Variants in DLGAP2 observed in about 807,000 individuals in gnomAD.
DLGAP2 encodes the protein DLG associated protein 2.
Under a neutral mutation model 100.3 loss-of-function variants are expected in DLGAP2, and 26 were observed. The ratio of observed to expected loss-of-function variants is 0.26; its 90% CI spans 0.19 to 0.36. The LOEUF (loss-of-function observed/expected upper bound fraction) is 0.36. DLGAP2 is among the 10% of genes least tolerant of loss of function. The pLI is 1.00. For synonymous variants in DLGAP2, 886 were observed against 630.1 expected (o/e 1.41, Z -6.08); for missense variants, 1,858 against 1,453.2 (o/e 1.28, Z -4.53).
Position 1,243,949 on chromosome 8 carries a change from C to T in DLGAP2, c.74-14902C>T, listed in dbSNP as rs149123478. ...GTCCCTGCTGTGTGTCCTCATCTACCTTCCAGCTCCCAGCCTCCGCACTCC... is the reference window on the plus strand; with the variant it reads ...GTCCCTGCTGTGTGTCCTCATCTACTTTCCAGCTCCCAGCCTCCGCACTCC... On this transcript the variant is annotated intron_variant, in intron 2 of 14. Transcript: ENST00000637795. Among the ~76,000 whole-genome samples the T allele has an allele frequency of 6.0e-3, 911 of 152,306 alleles. 9 individuals are homozygous for T. The highest frequency in any genetic ancestry group is 0.02 in the African/African-American group (848 of 41,566).
At chr8:1,635,681 A>C (rs949017581) in intron 8 of DLGAP2, among the ~76,000 whole-genome samples, 1 of 152,256 alleles carries the variant, frequency 6.6e-6, no homozygotes, top group Admixed American at 6.5e-5. Flanking sequence ...TGCAGGCTCA[A>C]AAGGTAAAAG....
chr8:1,326,046 C>A (rs929551379), intron 3 of DLGAP2, among the ~76,000 whole-genome samples: 3 of 152,146 alleles, frequency 2.0e-5, no homozygotes, highest in Admixed American at 6.5e-5. Context: ...GCCATTTGTT[C>A]AATAAGCAGG....
intron 2 of DLGAP2, among the ~76,000 whole-genome samples, chr8:1,153,376 C>A (rs757943232): frequency 1.3e-5 from 2 of 152,174 alleles, no homozygotes; most frequent in Admixed American, 1.3e-4. Flanking sequence ...CTTCTAAACA[C>A]GCCTCTTTCT....
chr8:1,549,884 G>A (rs1166550280), intron 5 of DLGAP2, among the ~76,000 whole-genome samples: 1 of 152,108 alleles, frequency 6.6e-6, no homozygotes, highest in Non-Finnish European at 1.5e-5. Flanking sequence ...TTTTTGGTGG[G>A]AGCACTTAAA....
At chr8:1,234,951 C>G (rs1437412614) in intron 2 of DLGAP2, among the ~76,000 whole-genome samples, 2 of 152,212 alleles carry the variant, frequency 1.3e-5, no homozygotes, top group African/African-American at 4.8e-5. Flanking sequence ...CTGCTTCTCT[C>G]TCACATGCCA....
intron 6 of DLGAP2, among the ~76,000 whole-genome samples, chr8:1,600,111 T>G (rs4876103): frequency 0.45 from 68,195 of 151,958 alleles, 15,459 homozygotes; most frequent in African/African-American, 0.5. Flanking sequence ...TAAAGGATTT[T>G]ATTTCTCCTT....
At chr8:1,311,893 T>G (rs944930253) in intron 3 of DLGAP2, among the ~76,000 whole-genome samples, 1 of 152,108 alleles carries the variant, frequency 6.6e-6, no homozygotes, top group Non-Finnish European at 1.5e-5. Context: ...TGTGTCAAAA[T>G]ACATAAGGCA....
chr8:1,408,122 G>C (rs1293825088), intron 3 of DLGAP2, among the ~76,000 whole-genome samples: 3 of 152,252 alleles, frequency 2.0e-5, no homozygotes, highest in Non-Finnish European at 4.4e-5. Context: ...CTGAGATCAA[G>C]GCAAGCCTGG....
chr8:1,062,262 C>A (rs1480621903), intron 2 of DLGAP2, among the ~76,000 whole-genome samples: 1 of 152,206 alleles, frequency 6.6e-6, no homozygotes, highest in Non-Finnish European at 1.5e-5. Context: ...CCATGCATCG[C>A]AGTCCTGTGC....
chr8:1,067,390 C>T (rs1803288304), intron 2 of DLGAP2, among the ~76,000 whole-genome samples: 1 of 152,208 alleles, frequency 6.6e-6, no homozygotes, highest in Non-Finnish European at 1.5e-5. Flanking sequence ...CCTGTAGGAG[C>T]ATCACCTGGT....
At chr8:1,507,715 C>T (rs1394887725) in intron 4 of DLGAP2, among the ~76,000 whole-genome samples, 1 of 149,302 alleles carries the variant, frequency 6.7e-6, no homozygotes, top group Admixed American at 6.6e-5. Flanking sequence ...TAGCAGTCCA[C>T]CCTCCTGTCT....
In DLGAP2 at chr8:1,693,700, C is replaced by A. The variant is rs573280669; in HGVS notation, c.2796+2074C>A. Among the ~76,000 whole-genome samples the A allele has an allele frequency of 2.6e-5, 4 of 152,310 alleles. No individual in the cohort carries two copies. The East Asian group carries it at 5.8e-4, about 22-fold the overall frequency. On this transcript the variant is annotated intron_variant, in intron 13 of 14. Coordinates refer to ENST00000637795, the MANE Select transcript of DLGAP2 (RefSeq NM_001346810.2). ...AGGATCATTAAAAAGTATGCCTTCT[C>A]TAATACTTTCCAATCAACCCCACTG...
chr8:1,323,633 T>A (rs968822583), intron 3 of DLGAP2, among the ~76,000 whole-genome samples: 1 of 152,204 alleles, frequency 6.6e-6, no homozygotes, highest in African/African-American at 2.4e-5. Flanking sequence ...CGGGCAGCAA[T>A]GCCCCAATGC....
intron 2 of DLGAP2, among the ~76,000 whole-genome samples, chr8:1,093,107 G>A (rs1278347139): frequency 6.6e-6 from 1 of 152,178 alleles, no homozygotes; most frequent in African/African-American, 2.4e-5. Context: ...GGGACCGCAC[G>A]CTTCTTCTCT....
chr8:1,641,907 C>A (rs62483073), intron 8 of DLGAP2, among the ~76,000 whole-genome samples: 30,696 of 107,508 alleles, frequency 0.29, 3,529 homozygotes, highest in East Asian at 0.34. Flanking sequence ...TCACCCTCGA[C>A]CCCGCCGGCC....
At chr8:1,379,654 G>C (rs1295255915) in intron 3 of DLGAP2, 2 of 152,252 alleles carry the variant, frequency 1.3e-5, no homozygotes, top group Non-Finnish European at 2.9e-5. Context: ...GGCCCTGAAA[G>C]AGTTTACTTT....
intron 3 of DLGAP2, among the ~76,000 whole-genome samples, chr8:1,319,719 A>T (rs1348934713): frequency 6.6e-6 from 1 of 152,170 alleles, no homozygotes; most frequent in Non-Finnish European, 1.5e-5. Flanking sequence ...TGTCAGAACG[A>T]TGGGAAGAGG....
intron 1 of DLGAP2, among the ~76,000 whole-genome samples, chr8:783,409 A>G (rs1025891350): frequency 1.3e-5 from 2 of 152,222 alleles, no homozygotes; most frequent in African/African-American, 4.8e-5. Context: ...GATATTACAT[A>G]CACGGGAAAG....
At chr8:926,919 C>T in intron 2 of DLGAP2, 1 of 656,882 alleles carries the variant, frequency 1.5e-6, no homozygotes, top group Non-Finnish European at 1.9e-6. Context: ...TCCAGGTGTT[C>T]CCTGAGCCGG....
Sources: gnomAD v4.1 joint callset for allele counts (sites outside exome capture counted in the v4.1 genomes callset) on GRCh38, gnomAD v4.1.1 for gene constraint, MANE v1.5 for transcripts, NCBI Gene and HGNC (gene_info 2026-07-23, HGNC 2026-07-21) for gene names.